Variants in SNRPB2 observed in about 807,000 individuals in gnomAD.
SNRPB2 encodes the protein small nuclear ribonucleoprotein polypeptide B2, also known as U2 small nuclear ribonucleoprotein B''.
SNRPB2 carries 16 observed loss-of-function variants against 26.3 expected under a neutral mutation model. The ratio of observed to expected loss-of-function variants is 0.61; its 90% confidence interval spans 0.41 to 0.92. The LOEUF (loss-of-function observed/expected upper bound fraction) is 0.92, where lower values mean the gene tolerates loss of function less well. Ranked by LOEUF, SNRPB2 falls within the 40% of genes least tolerant of loss-of-function variation. SNRPB2 has a pLI of 0.00. For synonymous variants in SNRPB2, 75 were observed against 89.0 expected, an observed-to-expected ratio of 0.84 and a Z score of 0.88; for missense variants, 179 against 268.1, an observed-to-expected ratio of 0.67 and a Z score of 2.32.
At chr20:16,736,114 T>C (rs912170209) in intron 3 of SNRPB2, among the ~76,000 whole-genome samples, 1 of 152,238 alleles carries the variant, frequency 6.6e-6, no homozygotes, top group Non-Finnish European at 1.5e-5. Flanking sequence ...CATTGAATGA[T>C]GTAAATCAAA....
intron 3 of SNRPB2, among the ~76,000 whole-genome samples, chr20:16,733,405 T>G (rs893024145): frequency 6.6e-6 from 1 of 152,246 alleles, no homozygotes; most frequent in East Asian, 1.9e-4. Flanking sequence ...GCTCACAGAC[T>G]GTGGTACAGA....
At chr20:16,739,564 C>A (rs1327138948) in intron 5 of SNRPB2, among the ~76,000 whole-genome samples, 1 of 151,932 alleles carries the variant, frequency 6.6e-6, no homozygotes, top group Non-Finnish European at 1.5e-5. Flanking sequence ...TTTTAAGTTA[C>A]TTGGGTTTTT....
rs2072454911 is a variant in SNRPB2 at position 16,740,307 on chromosome 20, C to CT, written c.430-13dup. The stretch of plus-strand genomic sequence containing the variant: ...GTTTAAACTTACAAGCTAACTTTGC[C>CT]TTTTTACTTTTTAATAGGTCCCTGA... On this transcript the variant is annotated splice_polypyrimidine_tract_variant and intron_variant, in intron 5 of 6. Transcript: ENST00000246071. 1.9e-6 allele frequency: 3 copies of CT among 1,607,914 alleles called. No homozygotes were observed. The highest frequency in any genetic ancestry group is 2.5e-6 in the Non-Finnish European group (3 of 1,177,564).
rs756689600 is a variant in SNRPB2 at position 16,740,427 on chromosome 20, T to TAG, written c.518+15_518+16insGA. The TAG allele has an allele frequency of 2.5e-6, 4 of 1,609,658 alleles. No homozygotes were observed. The highest frequency in any genetic ancestry group is 3.4e-6 in the Non-Finnish European group (4 of 1,177,994). On this transcript the variant is annotated intron_variant, in intron 6 of 6. Coordinates refer to ENST00000246071, the MANE Select transcript of SNRPB2 (RefSeq NM_003092.5). ...GCTGTTTAATCAGTAAGTTTTTTCA[T>TAG]AAATAAGTCTGTTTCTGAGAGCTTC...
At chr20:16,733,360 A>G (rs897486964) in intron 3 of SNRPB2, among the ~76,000 whole-genome samples, 1 of 152,256 alleles carries the variant, frequency 6.6e-6, no homozygotes, top group Non-Finnish European at 1.5e-5. Flanking sequence ...AAATTCATGT[A>G]GGCCATGCTA....
At chr20:16,739,153 C>A (rs1461058857) in intron 5 of SNRPB2, among the ~76,000 whole-genome samples, 6 of 152,168 alleles carry the variant, frequency 3.9e-5, no homozygotes, top group African/African-American at 1.4e-4. Flanking sequence ...ATCAAAATGA[C>A]AGACTTTAAA....
At chr20:16,732,420 T>G (rs1478094683) in intron 3 of SNRPB2, 84 bp downstream of exon 3, 2 of 730,456 alleles carry the variant, frequency 2.7e-6, no homozygotes, top group African/African-American at 1.8e-5. Context: ...CTTGAAACTG[T>G]GGCTATTGCT....
At chr20:16,734,438 A>G (rs977076148) in intron 3 of SNRPB2, among the ~76,000 whole-genome samples, 3 of 152,196 alleles carry the variant, frequency 2.0e-5, no homozygotes, top group Non-Finnish European at 2.9e-5. Context: ...TCTCTGATTC[A>G]AGGGCATTTA....
chr20:16,731,154 C>T (rs536491907), intron 1 of SNRPB2, among the ~76,000 whole-genome samples: 7 of 152,324 alleles, frequency 4.6e-5, no homozygotes, highest in African/African-American at 7.2e-5. Context: ...TGTCATTGAG[C>T]TCCTTTCTTT....
rs1205577339 is a variant in SNRPB2 at position 16,741,659 on chromosome 20, C to G, written c.*654C>G. 6.6e-6 allele frequency: 1 copy of G among 152,132 alleles called. No individual in the cohort carries two copies. Among genetic ancestry groups the G allele is most frequent in the African/African-American group, 2.4e-5 (1 of 41,440 alleles). The allele number at this position is 152,132 out of a possible 1,614,324, so 9.4% of individuals were successfully genotyped here. A position where few individuals can be genotyped will look rare whatever the true frequency, so the allele number is the denominator to read the frequency against. ...GTTTCCTTCATGAGGCAGGACTGTT[C>G]TAAGGTTAATATGCAATCTCTTTAT... On this transcript the variant is annotated 3_prime_UTR_variant, in exon 7 of 7. Coordinates refer to ENST00000246071, the MANE Select transcript of SNRPB2 (RefSeq NM_003092.5).
chr20:16,730,281 G>C (rs2072380464), intron 1 of SNRPB2, 117 bp downstream of exon 1: 1 of 152,850 alleles, frequency 6.5e-6, no homozygotes, highest in African/African-American at 2.4e-5. Context: ...AGGGGGCCTT[G>C]GGCGAAGGTG....
At chr20:16,739,634 G>A (rs1169393045) in intron 5 of SNRPB2, among the ~76,000 whole-genome samples, 1 of 152,062 alleles carries the variant, frequency 6.6e-6, no homozygotes, top group Non-Finnish European at 1.5e-5. Flanking sequence ...TCTAAGCCTT[G>A]AGTTGTTCAC....
chr20:16,738,806 T>C, intron 4 of SNRPB2, 46 bp from the exon 5 acceptor site: 1 of 1,081,832 alleles, frequency 9.2e-7, no homozygotes, highest in Non-Finnish European at 1.4e-6. Flanking sequence ...CTGCTGCGTT[T>C]TTGGAGGGAT....
chr20:16,733,300 G>C (rs190765428), intron 3 of SNRPB2, among the ~76,000 whole-genome samples: 18 of 152,282 alleles, frequency 1.2e-4, no homozygotes, highest in Non-Finnish European at 1.8e-4. Context: ...TCTGTTACCT[G>C]TTCTTTTATG....
At chr20:16,730,440 C>G (rs1339721501) in intron 1 of SNRPB2, 1 of 152,332 alleles carries the variant, frequency 6.6e-6, no homozygotes, top group Non-Finnish European at 1.5e-5. Flanking sequence ...CAGGGTGTCC[C>G]TGTAACAACG....
rs562010934 is a variant in SNRPB2, at chr20:16,741,196, T to C, written c.*191T>C. 4.2e-6 allele frequency: 2 copies of C among 475,774 alleles called. No individual in the cohort carries two copies. The highest frequency in any genetic ancestry group is 4.0e-5 in the South Asian group (1 of 24,860). The allele number at this position is 475,774 out of a possible 1,614,324, so 29.5% of individuals were successfully genotyped here. ...ATACGAAGGCCTTAATTTTGTACAATAAACTTTTATTTGTATTCTGTGTAT... is the reference window on the plus strand; with the variant it reads ...ATACGAAGGCCTTAATTTTGTACAACAAACTTTTATTTGTATTCTGTGTAT... On this transcript the variant is annotated 3_prime_UTR_variant, in exon 7 of 7. Coordinates refer to ENST00000246071, the MANE Select transcript of SNRPB2 (RefSeq NM_003092.5).
chr20:16,739,303 T>G (rs2072448287), intron 5 of SNRPB2, among the ~76,000 whole-genome samples: 1 of 152,188 alleles, frequency 6.6e-6, no homozygotes. Context: ...TTACACTCTT[T>G]GGGCACATAG....
At position 16,741,248 on chromosome 20, in the gene SNRPB2, C is replaced by G; in HGVS notation, c.*243C>G. 3.3e-6 allele frequency: 1 copy of G among 306,564 alleles called. No homozygotes were observed. The highest frequency in any genetic ancestry group is 6.0e-6 in the Non-Finnish European group (1 of 166,916). 19.0% of individuals were successfully genotyped at this position (306,564 alleles called of 1,614,324 possible). A position where few individuals can be genotyped will look rare whatever the true frequency, so the allele number is the denominator to read the frequency against. ...TAATGCTTTCTTGATTGACCCATCT[C>G]CCTATCATCAAATGACTTCTAGTCT... is the stretch of plus-strand genomic sequence containing the variant. On this transcript the variant is annotated 3_prime_UTR_variant, in exon 7 of 7. Transcript: ENST00000246071.
At chr20:16,733,893 A>G (rs1057241299) in intron 3 of SNRPB2, among the ~76,000 whole-genome samples, 1 of 152,160 alleles carries the variant, frequency 6.6e-6, no homozygotes, top group African/African-American at 2.4e-5. Flanking sequence ...GATGGTACCT[A>G]TGTAATGTAA....
Sources: gnomAD v4.1 joint callset for allele counts (sites outside exome capture counted in the v4.1 genomes callset) on GRCh38, gnomAD v4.1.1 for gene constraint, MANE v1.5 for transcripts, NCBI Gene and HGNC (gene_info 2026-07-23, HGNC 2026-07-21) for gene names.